The following IPO11 variants were observed in gnomAD, a reference collection of about 807,000 sequenced individuals.
The protein encoded by IPO11 is importin-11.
A neutral mutation model predicts 143.2 loss-of-function variants in IPO11; 66 were observed. The ratio of observed to expected loss-of-function variants is 0.46; its 90% CI spans 0.38 to 0.57. The LOEUF is 0.57. Ranked by LOEUF, IPO11 falls within the 20% of genes least tolerant of loss-of-function variation. IPO11 has a pLI of 0.00. For synonymous variants in IPO11, 385 were observed against 377.8 expected (o/e 1.02, Z -0.22); for missense variants, 1,026 against 1,141.0 (o/e 0.90, Z 1.45).
intron 20 of IPO11, among the ~76,000 whole-genome samples, chr5:62,522,701 A>G (rs956549960): frequency 3.9e-5 from 6 of 152,304 alleles, no homozygotes; most frequent in South Asian, 4.1e-4. Flanking sequence ...TACCTGTTAC[A>G]TGCTGATGTA....
chr5:62,595,267 T>C (rs1175830180), intron 28 of IPO11, among the ~76,000 whole-genome samples: 1 of 152,188 alleles, frequency 6.6e-6, no homozygotes, highest in Non-Finnish European at 1.5e-5. Context: ...AGTAGTCTTA[T>C]CTTGGTGAGT....
At position 62,490,157 on chromosome 5, in the gene IPO11, G is replaced by C. The variant is rs573453530; in HGVS notation, c.1400G>C (p.Ser467Thr). The C allele has an allele frequency of 3.7e-6, 6 of 1,606,138 alleles. No homozygotes were observed. In the African/African-American group the frequency reaches 8.0e-5, roughly 21 times the overall value. ...TTAGCTGCTTATGAGCTCTTTGACA[G>C]TGTTGATTTTGATCAGTGGTTTAAA... ...VGLAAYELFD[S>T]VDFDQWFKNQ... Residue 467 changes from serine (S) to threonine (T), a missense_variant, in exon 15 of 30, where the codon AGT becomes ACT. Physicochemically the swap from Ser to Thr is moderately conservative, Grantham distance 58. This residue lies in a region of IPO11 where 237 missense variants were observed against 288.0 expected (regional missense o/e 0.82). Coordinates refer to ENST00000325324, the MANE Select transcript of IPO11 (RefSeq NM_016338.5).
intron 28 of IPO11, among the ~76,000 whole-genome samples, chr5:62,597,972 A>AC (rs1201511860): frequency 6.6e-6 from 1 of 152,176 alleles, no homozygotes; most frequent in Non-Finnish European, 1.5e-5. Flanking sequence ...TCTGCAGGCT[A>AC]CCATTCCTCA....
At chr5:62,518,701 G>T (rs562916327) in intron 20 of IPO11, among the ~76,000 whole-genome samples, 130 of 152,274 alleles carry the variant, frequency 8.5e-4, no homozygotes, top group African/African-American at 2.9e-3. Context: ...AGACATTGGT[G>T]TAAGTTTCTG....
chr5:62,444,923 A>AAT (rs926931035), intron 3 of IPO11, among the ~76,000 whole-genome samples: 8 of 150,926 alleles, frequency 5.3e-5, no homozygotes, highest in Non-Finnish European at 7.4e-5. Flanking sequence ...CATACATATA[A>AAT]ATATATATAT....
intron 1 of IPO11, chr5:62,422,497 T>G (rs1183080440): frequency 2.6e-5 from 4 of 152,250 alleles, no homozygotes; most frequent in African/African-American, 9.7e-5. Flanking sequence ...TGTATTTTTG[T>G]TTTTCAGCTA....
chr5:62,546,671 A>T (rs979235289), intron 24 of IPO11, among the ~76,000 whole-genome samples: 2 of 152,194 alleles, frequency 1.3e-5, no homozygotes, highest in African/African-American at 4.8e-5. Context: ...AAAGTGCAAA[A>T]GTTCTTTTTG....
intron 20 of IPO11, among the ~76,000 whole-genome samples, chr5:62,524,933 T>C (rs1428580857): frequency 6.6e-6 from 1 of 152,194 alleles, no homozygotes; most frequent in Non-Finnish European, 1.5e-5. Context: ...TAGATATTAT[T>C]ATGTTTTACA....
rs993585883 is a variant in IPO11, at chr5:62,624,078, A to G, written c.2764-3076A>G. 5.3e-5 allele frequency among the ~76,000 whole-genome samples: 8 copies of G among 151,976 alleles called. No individual in the cohort carries two copies. The South Asian group carries it at 8.4e-4, about 16-fold the overall frequency. On this transcript the variant is annotated intron_variant, in intron 29 of 29. Transcript: ENST00000325324. ...AGACAGAGTTTTGCTCTTGTTACCC[A>G]GGCTGGAGTGCAATGGCATGATCTC...
At chr5:62,572,337 T>C (rs1242973748) in intron 27 of IPO11, among the ~76,000 whole-genome samples, 3 of 152,178 alleles carry the variant, frequency 2.0e-5, no homozygotes, top group African/African-American at 7.2e-5. Context: ...TCTCTAGAAA[T>C]CAAGTGCATT....
intron 10 of IPO11, among the ~76,000 whole-genome samples, chr5:62,483,601 T>C (rs542644624): frequency 2.0e-5 from 3 of 152,276 alleles, no homozygotes; most frequent in African/African-American, 7.2e-5. Context: ...AATAAAAGCT[T>C]TCTCTGACTT....
intron 29 of IPO11, among the ~76,000 whole-genome samples, chr5:62,604,686 A>C (rs1745637508): frequency 6.6e-6 from 1 of 152,144 alleles, no homozygotes; most frequent in South Asian, 2.1e-4. Context: ...ATTTTAAGTT[A>C]CTTACTACAG....
At chr5:62,433,465 C>T (rs369087657) in intron 1 of IPO11, among the ~76,000 whole-genome samples, 1 of 152,156 alleles carries the variant, frequency 6.6e-6, no homozygotes, top group African/African-American at 2.4e-5. Flanking sequence ...ATGGTAGAAA[C>T]GTACTTTTCA....
At chr5:62,457,814 C>A (rs1745216710) in intron 5 of IPO11, among the ~76,000 whole-genome samples, 1 of 152,144 alleles carries the variant, frequency 6.6e-6, no homozygotes, top group African/African-American at 2.4e-5. Flanking sequence ...TGGTGTAGCT[C>A]CAGCCTGTAA....
At chr5:62,544,904 C>T (rs915323531) in intron 24 of IPO11, among the ~76,000 whole-genome samples, 14 of 152,232 alleles carry the variant, frequency 9.2e-5, no homozygotes, top group African/African-American at 3.4e-4. Context: ...TGTGAAGGAG[C>T]TCTTCAGGGA....
intron 21 of IPO11, among the ~76,000 whole-genome samples, chr5:62,530,504 A>G (rs568204503): frequency 1.3e-5 from 2 of 152,334 alleles, no homozygotes; most frequent in South Asian, 2.1e-4. Context: ...TACCTTTGCT[A>G]TGTATGTAGA....
intron 29 of IPO11, among the ~76,000 whole-genome samples, chr5:62,626,052 C>T (rs534788539): frequency 8.6e-5 from 13 of 151,302 alleles, no homozygotes; most frequent in African/African-American, 2.7e-4. Context: ...TTTTTCGAGA[C>T]GGAGTCTCGC....
intron 26 of IPO11, among the ~76,000 whole-genome samples, chr5:62,553,950 C>T (rs986721321): frequency 1.4e-4 from 22 of 152,054 alleles, no homozygotes; most frequent in African/African-American, 4.6e-4. Flanking sequence ...AGACTCATCT[C>T]GAACTCCTGA....
intron 28 of IPO11, among the ~76,000 whole-genome samples, chr5:62,597,296 C>G (rs909912146): frequency 2.0e-5 from 3 of 152,076 alleles, no homozygotes; most frequent in Non-Finnish European, 4.4e-5. Context: ...GTCTTATTTT[C>G]AAGTAGAAGA....
Sources: allele counts gnomAD v4.1 joint callset (sites outside exome capture counted in the v4.1 genomes callset), GRCh38; gene constraint gnomAD v4.1.1; regional missense constraint gnomAD v4.1.1; transcripts MANE v1.5; gene names NCBI Gene and HGNC (gene_info 2026-07-23, HGNC 2026-07-21).